The following GRID2 variants were observed in gnomAD, a reference collection of about 807,000 sequenced individuals.
The protein encoded by GRID2 is glutamate ionotropic receptor delta type subunit 2.
GRID2 carries 33 observed loss-of-function variants against 114.8 expected under a neutral mutation model. That is an observed-to-expected ratio of 0.29 (90% CI 0.22 to 0.38). The LOEUF (loss-of-function observed/expected upper bound fraction) is 0.38. Ranked by LOEUF, GRID2 falls within the 10% of genes least tolerant of loss-of-function variation. The pLI, the probability that GRID2 is intolerant of heterozygous loss-of-function variation, is 1.00. For missense variants in GRID2, 1,184 were observed against 1,257.7 expected (o/e 0.94, Z 0.89); for synonymous variants, 505 against 449.9 (o/e 1.12, Z -1.55).
At chr4:93,602,626 G>A (rs1243348700) in intron 13 of GRID2, among the ~76,000 whole-genome samples, 2 of 152,200 alleles carry the variant, frequency 1.3e-5, no homozygotes, top group Non-Finnish European at 2.9e-5. Flanking sequence ...ATCAGTAAAT[G>A]TGTTTGTTCT....
intron 1 of GRID2, among the ~76,000 whole-genome samples, chr4:92,421,463 C>T (rs1460632682): frequency 6.6e-6 from 1 of 152,018 alleles, no homozygotes; most frequent in Non-Finnish European, 1.5e-5. Context: ...ATGCTGAGAA[C>T]CCAAGCACAT....
intron 10 of GRID2, among the ~76,000 whole-genome samples, chr4:93,423,336 CTTTTTTTTTTTTTT>C (rs554663844): frequency 2.7e-5 from 2 of 73,570 alleles, no homozygotes; most frequent in Non-Finnish European, 4.7e-5. Context: ...TTTTTTCTTT[CTTTTTTTTTTTTTT>C]TTTTTTTTTT....
At chr4:93,311,201 A>G (rs1044114870) in intron 8 of GRID2, among the ~76,000 whole-genome samples, 11 of 152,164 alleles carry the variant, frequency 7.2e-5, no homozygotes. Context: ...CTAGCAGCTG[A>G]AGAGACAGCT....
At chr4:92,521,862 G>C (rs1014785487) in intron 1 of GRID2, among the ~76,000 whole-genome samples, 1 of 151,924 alleles carries the variant, frequency 6.6e-6, no homozygotes, top group African/African-American at 2.4e-5. Flanking sequence ...AGATGGTGCA[G>C]CATTTTGTAA....
intron 13 of GRID2, among the ~76,000 whole-genome samples, chr4:93,520,918 C>G (rs1223713228): frequency 6.6e-6 from 1 of 152,012 alleles, no homozygotes; most frequent in Admixed American, 6.6e-5. Flanking sequence ...TGTGTGGAGA[C>G]CAGGGGGCTC....
At chr4:93,608,994 G>C (rs1358730357) in intron 13 of GRID2, among the ~76,000 whole-genome samples, 1 of 113,044 alleles carries the variant, frequency 8.8e-6, no homozygotes, top group African/African-American at 3.4e-5. Context: ...ACTTTTTAAT[G>C]ATTGCCATTC....
At chr4:93,764,247 A>T (rs1025264641) in intron 14 of GRID2, among the ~76,000 whole-genome samples, 2 of 152,170 alleles carry the variant, frequency 1.3e-5, no homozygotes, top group African/African-American at 4.8e-5. Flanking sequence ...CCTCATTTAT[A>T]CCAATAAAGA....
In GRID2 at chr4:93,150,206, A is replaced by G. The variant is rs376069239; in HGVS notation, c.735+39253A>G. ...GGGAGAGTCTAGTTGTACATATTTA[A>G]ATGTTGTATAGTGTTTTGAGTGGAA... On this transcript the variant is annotated intron_variant, in intron 4 of 15. Transcript: ENST00000282020. 1.3e-4 allele frequency among the ~76,000 whole-genome samples: 20 copies of G among 152,246 alleles called. 1 individual carries two copies. Among genetic ancestry groups the G allele is most frequent in the African/African-American group, 4.8e-4 (20 of 41,560 alleles).
chr4:93,758,940 C>T (rs1732981194), intron 14 of GRID2, among the ~76,000 whole-genome samples: 1 of 151,980 alleles, frequency 6.6e-6, no homozygotes. Context: ...TTTAAAAGAT[C>T]ACCAAAAGCG....
intron 2 of GRID2, among the ~76,000 whole-genome samples, chr4:92,650,694 C>T (rs911822529): frequency 3.3e-5 from 5 of 151,596 alleles, no homozygotes; most frequent in African/African-American, 1.2e-4. Context: ...ACCTGTAGGC[C>T]AGCAGAGTAT....
chr4:93,333,974 C>G (rs533651314), intron 8 of GRID2, among the ~76,000 whole-genome samples: 1 of 152,218 alleles, frequency 6.6e-6, no homozygotes, highest in Admixed American at 6.5e-5. Flanking sequence ...CATCCCCAGA[C>G]AGTGATAGCT....
At chr4:92,566,532 G>A (rs921643188) in intron 1 of GRID2, among the ~76,000 whole-genome samples, 1 of 151,860 alleles carries the variant, frequency 6.6e-6, no homozygotes, top group African/African-American at 2.4e-5. Flanking sequence ...AAAAGCTACA[G>A]GAAGTTTCTC....
chr4:92,836,227 G>C (rs1742448890), intron 2 of GRID2, among the ~76,000 whole-genome samples: 2 of 152,188 alleles, frequency 1.3e-5, no homozygotes, highest in Admixed American at 6.5e-5. Context: ...TACAGAAAAT[G>C]TTTGCTGGCT....
chr4:93,029,903 C>T (rs958722579), intron 2 of GRID2, among the ~76,000 whole-genome samples: 2 of 152,146 alleles, frequency 1.3e-5, no homozygotes, highest in Non-Finnish European at 2.9e-5. Context: ...TATTCATGTG[C>T]CAGGCTGCTC....
chr4:93,001,126 A>G (rs1457175854), intron 2 of GRID2, among the ~76,000 whole-genome samples: 2 of 151,652 alleles, frequency 1.3e-5, no homozygotes, highest in Non-Finnish European at 3.0e-5. Flanking sequence ...CAGCAAATAC[A>G]TGTTTAATAT....
Position 93,037,401 on chromosome 4 carries a change from A to T in GRID2, c.245-47594A>T, listed in dbSNP as rs1025991937. ...CCATTCTATAAGTTGCCTGCTCACTATGATAATAGTTCCTTTTGCTGTGCA... is the reference window on the plus strand; with the variant it reads ...CCATTCTATAAGTTGCCTGCTCACTTTGATAATAGTTCCTTTTGCTGTGCA... On this transcript the variant is annotated intron_variant, in intron 2 of 15. Coordinates refer to ENST00000282020, the MANE Select transcript of GRID2 (RefSeq NM_001510.4). 4.6e-5 allele frequency among the ~76,000 whole-genome samples: 7 copies of T among 152,204 alleles called. No individual in the cohort carries two copies. The East Asian group carries it at 1.4e-3, about 29-fold the overall frequency.
chr4:92,408,613 T>C (rs1370270848), intron 1 of GRID2, among the ~76,000 whole-genome samples: 4 of 149,036 alleles, frequency 2.7e-5, no homozygotes, highest in Non-Finnish European at 5.9e-5. Context: ...TCCATAAGCA[T>C]GGAATATTTA....
chr4:93,679,295 A>G (rs1286020392), intron 14 of GRID2, among the ~76,000 whole-genome samples: 1 of 151,130 alleles, frequency 6.6e-6, no homozygotes, highest in Non-Finnish European at 1.5e-5. Flanking sequence ...TTAGTGACCT[A>G]CAAAGAGACT....
rs139275612 is a variant in GRID2, at chr4:93,237,977, T to C, written c.1126-394T>C. 2.0e-3 allele frequency among the ~76,000 whole-genome samples: 311 copies of C among 152,008 alleles called. 1 individual carries two copies. The highest frequency in any genetic ancestry group is 7.1e-3 in the African/African-American group (296 of 41,542). The stretch of plus-strand genomic sequence containing the variant: ...ATTGTGCTAGAACAAAGAAGATTGT[T>C]GAAATCTATCTTATATAGATTTTAT... On this transcript the variant is annotated intron_variant, in intron 7 of 15. Coordinates refer to ENST00000282020, the MANE Select transcript of GRID2 (RefSeq NM_001510.4).
Sources: allele counts gnomAD v4.1 joint callset (sites outside exome capture counted in the v4.1 genomes callset), GRCh38; gene constraint gnomAD v4.1.1; transcripts MANE v1.5; gene names NCBI Gene and HGNC (gene_info 2026-07-23, HGNC 2026-07-21).